The following LRRC4C variants were observed in gnomAD, a reference collection of about 807,000 sequenced individuals.
LRRC4C encodes the protein leucine-rich repeat-containing protein 4C.
In LRRC4C, 5 loss-of-function variants were observed where a neutral mutation model predicts 33.6. That is an observed-to-expected ratio of 0.15 (90% CI 0.08 to 0.31). LRRC4C has a LOEUF of 0.31. Among genes scored for constraint, LRRC4C ranks in the 10% least tolerant of loss-of-function variants. The probability of loss-of-function intolerance (pLI) is 1.00; values close to 1 mark genes in which losing one functional copy is unlikely to be tolerated. For synonymous variants in LRRC4C, 329 were observed against 302.0 expected (o/e 1.09, Z -0.93); for missense variants, 560 against 796.7 (o/e 0.70, Z 3.58).
At chr11:40,349,129 G>A (rs1189058700) in intron 3 of LRRC4C, among the ~76,000 whole-genome samples, 2 of 151,912 alleles carry the variant, frequency 1.3e-5, no homozygotes, top group Admixed American at 6.6e-5. Flanking sequence ...ATAAATTAAT[G>A]TCATCCTGTT....
intron 1 of LRRC4C, among the ~76,000 whole-genome samples, chr11:41,090,577 G>A (rs951819034): frequency 6.6e-6 from 1 of 152,022 alleles, no homozygotes; most frequent in Non-Finnish European, 1.5e-5. Context: ...ACTTTGTCCT[G>A]GGTATCTGCC....
chr11:41,428,443 T>A (rs1955119064), intron 1 of LRRC4C, among the ~76,000 whole-genome samples: 1 of 151,670 alleles, frequency 6.6e-6, no homozygotes, highest in Non-Finnish European at 1.5e-5. Flanking sequence ...AAAAAACGTA[T>A]TTTTTTTGTC....
At chr11:40,326,977 G>A (rs893922801) in intron 3 of LRRC4C, among the ~76,000 whole-genome samples, 18 of 152,166 alleles carry the variant, frequency 1.2e-4, no homozygotes, top group Admixed American at 1.3e-4. Flanking sequence ...AATGTAGACT[G>A]GTTTTGAAAT....
chr11:40,527,595 C>A (rs1201852484), intron 3 of LRRC4C, among the ~76,000 whole-genome samples: 7 of 152,122 alleles, frequency 4.6e-5, no homozygotes, highest in African/African-American at 1.4e-4. Context: ...GGCAGTATCA[C>A]ACTCTTTAAA....
intron 2 of LRRC4C, among the ~76,000 whole-genome samples, chr11:40,665,554 A>G (rs1943760458): frequency 6.6e-6 from 1 of 151,404 alleles, no homozygotes; most frequent in Non-Finnish European, 1.5e-5. Flanking sequence ...AACACCTCTC[A>G]TCATCTCCTC....
chr11:40,182,508 A>T (rs1861088883), intron 5 of LRRC4C, among the ~76,000 whole-genome samples: 1 of 152,252 alleles, frequency 6.6e-6, no homozygotes, highest in Non-Finnish European at 1.5e-5. Flanking sequence ...GCCACAGAAT[A>T]AGTAATTTTC....
At chr11:41,347,138 C>T (rs1213583546) in intron 1 of LRRC4C, among the ~76,000 whole-genome samples, 1 of 152,206 alleles carries the variant, frequency 6.6e-6, no homozygotes, top group Non-Finnish European at 1.5e-5. Context: ...TTACCTTCCA[C>T]ACGTTATGGT....
At chr11:41,228,050 G>T (rs1171529729) in intron 1 of LRRC4C, among the ~76,000 whole-genome samples, 1 of 151,922 alleles carries the variant, frequency 6.6e-6, no homozygotes, top group Non-Finnish European at 1.5e-5. Context: ...TCTTGCTTTT[G>T]CCCTGTAAAA....
intron 3 of LRRC4C, among the ~76,000 whole-genome samples, chr11:40,575,356 C>T (rs1958148957): frequency 6.6e-6 from 1 of 151,292 alleles, no homozygotes; most frequent in South Asian, 2.1e-4. Context: ...AATAAAAATA[C>T]AACCTTCGAA....
chr11:41,008,440 A>G (rs1432738398), intron 1 of LRRC4C, among the ~76,000 whole-genome samples: 2 of 152,178 alleles, frequency 1.3e-5, no homozygotes, highest in South Asian at 2.1e-4. Context: ...ACAGATTGAT[A>G]CTAAAGAGAG....
In LRRC4C at chr11:40,562,807, C is replaced by A. The variant is rs150348824; in HGVS notation, c.-270+85335G>T. Among the ~76,000 whole-genome samples the A allele has an allele frequency of 4.6e-3, 704 of 152,284 alleles. 22 individuals carry two copies. Among genetic ancestry groups the A allele is most frequent in the Admixed American group, 0.032 (495 of 15,296 alleles). On this transcript the variant is annotated intron_variant, in intron 3 of 6. Coordinates refer to ENST00000528697, the MANE Select transcript of LRRC4C (RefSeq NM_001258419.2). ...TATGTGAGTGGGTATTAGAACCGAA[C>A]AATTCATGCCTAGCTTTCACTTTCT...
At chr11:41,171,848 A>T (rs1456771116) in intron 1 of LRRC4C, among the ~76,000 whole-genome samples, 1 of 151,960 alleles carries the variant, frequency 6.6e-6, no homozygotes, top group Non-Finnish European at 1.5e-5. Context: ...TCTGGTCCTA[A>T]TTATGACAAG....
At position 40,227,451 on chromosome 11, in the gene LRRC4C, A is replaced by T. The variant is rs535997244; in HGVS notation, c.-96+14068T>A. On this transcript the variant is annotated intron_variant, in intron 5 of 6. Coordinates refer to ENST00000528697, the MANE Select transcript of LRRC4C (RefSeq NM_001258419.2). Reference sequence around the variant, plus strand: ...TTAGAATTAGGTCAGTAAGTTTACCACTGACACTCATCCCCCCGAAATATT... The same window carrying T: ...TTAGAATTAGGTCAGTAAGTTTACCTCTGACACTCATCCCCCCGAAATATT... 2.0e-5 allele frequency among the ~76,000 whole-genome samples: 3 copies of T among 152,302 alleles called. No individual in the cohort carries two copies. The East Asian group carries it at 5.8e-4, about 29-fold the overall frequency.
At chr11:40,195,530 C>A (rs920704022) in intron 5 of LRRC4C, among the ~76,000 whole-genome samples, 1 of 151,872 alleles carries the variant, frequency 6.6e-6, no homozygotes, top group African/African-American at 2.4e-5. Flanking sequence ...TCAGAGTGTG[C>A]CCTGAAGGGC....
At chr11:40,435,441 A>C (rs556859533) in intron 3 of LRRC4C, among the ~76,000 whole-genome samples, 1 of 152,314 alleles carries the variant, frequency 6.6e-6, no homozygotes, top group South Asian at 2.1e-4. Flanking sequence ...GATGGGGAGG[A>C]GTGATGGGAG....
chr11:40,950,323 C>T (rs1375562414), intron 1 of LRRC4C, among the ~76,000 whole-genome samples: 1 of 152,098 alleles, frequency 6.6e-6, no homozygotes, highest in African/African-American at 2.4e-5. Flanking sequence ...AAATGATAGA[C>T]ATTCCTCCAA....
chr11:40,802,061 A>T (rs1456576187), intron 2 of LRRC4C, among the ~76,000 whole-genome samples: 1 of 152,196 alleles, frequency 6.6e-6, no homozygotes, highest in Non-Finnish European at 1.5e-5. Flanking sequence ...GAAATAAAAA[A>T]TACCTGTACC....
intron 1 of LRRC4C, among the ~76,000 whole-genome samples, chr11:41,197,107 C>G (rs1048125600): frequency 2.0e-5 from 3 of 152,152 alleles, no homozygotes; most frequent in Non-Finnish European, 4.4e-5. Flanking sequence ...AGACAGCAAA[C>G]AAGTTACAGC....
At chr11:41,280,996 A>AT (rs534797751) in intron 1 of LRRC4C, among the ~76,000 whole-genome samples, 49 of 146,832 alleles carry the variant, frequency 3.3e-4, no homozygotes, top group Non-Finnish European at 5.2e-4. Flanking sequence ...TTAGCCTAGT[A>AT]TTTTTTTCCA....
Sources: allele counts gnomAD v4.1 joint callset (sites outside exome capture counted in the v4.1 genomes callset), GRCh38; gene constraint gnomAD v4.1.1; transcripts MANE v1.5; gene names NCBI Gene and HGNC (gene_info 2026-07-23, HGNC 2026-07-21).